CACNA2D3: variants seen among roughly 807,000 people sequenced by gnomAD.
CACNA2D3 encodes the protein calcium voltage-gated channel auxiliary subunit alpha2delta 3.
In CACNA2D3, 60 loss-of-function variants were observed where a neutral mutation model predicts 160.6. That is an observed-to-expected ratio of 0.37 (90% CI 0.30 to 0.46). The LOEUF is 0.46. CACNA2D3 is among the 20% of genes least tolerant of loss of function. The probability of loss-of-function intolerance (pLI) is 1.00; values close to 1 mark genes in which losing one functional copy is unlikely to be tolerated. For synonymous variants in CACNA2D3, 558 were observed against 492.9 expected, an observed-to-expected ratio of 1.13 and a Z score of -1.75; for missense variants, 1,205 against 1,365.0, an observed-to-expected ratio of 0.88 and a Z score of 1.85.
At chr3:54,201,551 A>T (rs1701179415) in intron 2 of CACNA2D3, among the ~76,000 whole-genome samples, 1 of 152,224 alleles carries the variant, frequency 6.6e-6, no homozygotes, top group Non-Finnish European at 1.5e-5. Context: ...GAATTGTAAG[A>T]TTATTTAGTA....
At chr3:54,162,706 A>G (rs1700369612) in intron 2 of CACNA2D3, among the ~76,000 whole-genome samples, 1 of 152,200 alleles carries the variant, frequency 6.6e-6, no homozygotes, top group Non-Finnish European at 1.5e-5. Flanking sequence ...CCCTTATGGA[A>G]CTAATAACCT....
intron 9 of CACNA2D3, among the ~76,000 whole-genome samples, chr3:54,588,424 A>T (rs1702801988): frequency 6.6e-6 from 1 of 152,220 alleles, no homozygotes; most frequent in Admixed American, 6.5e-5. Context: ...AAGGATGTCC[A>T]CACTGACATT....
chr3:54,824,264 C>T (rs1052287291), intron 14 of CACNA2D3, among the ~76,000 whole-genome samples: 4 of 152,150 alleles, frequency 2.6e-5, no homozygotes, highest in South Asian at 2.1e-4. Context: ...ATGCTTAGAG[C>T]GACATTGATC....
At chr3:54,860,285 A>T (rs1386123242) in intron 17 of CACNA2D3, among the ~76,000 whole-genome samples, 3 of 152,240 alleles carry the variant, frequency 2.0e-5, no homozygotes, top group South Asian at 2.1e-4. Flanking sequence ...AGGTGTAGAG[A>T]TTTTAGAAAT....
chr3:54,574,866 A>T (rs1251285422), intron 8 of CACNA2D3, among the ~76,000 whole-genome samples: 2 of 152,244 alleles, frequency 1.3e-5, no homozygotes, highest in Non-Finnish European at 2.9e-5. Context: ...GACTTGAATT[A>T]AGAAGAGCAT....
At chr3:54,167,718 G>C (rs1268878436) in intron 2 of CACNA2D3, among the ~76,000 whole-genome samples, 1 of 152,192 alleles carries the variant, frequency 6.6e-6, no homozygotes, top group East Asian at 1.9e-4. Flanking sequence ...AGAGCTGCTT[G>C]GTGGAATAGT....
chr3:54,957,345 C>T (rs1321143754), intron 27 of CACNA2D3, among the ~76,000 whole-genome samples: 3 of 151,990 alleles, frequency 2.0e-5, no homozygotes, highest in African/African-American at 7.3e-5. Flanking sequence ...GATGGGGTCT[C>T]ACTCTGTTGC....
rs192654147 is a variant in CACNA2D3, at chr3:54,859,507, T to G, written c.1627-12032T>G. Among the ~76,000 whole-genome samples the G allele has an allele frequency of 8.5e-5, 13 of 152,342 alleles. No individual in the cohort carries two copies. The East Asian group carries it at 2.5e-3, about 29-fold the overall frequency. ...TGGCTAAGCCAGGCAAGGTTTTTGC[T>G]GAAACTTCTTCTCAGCCTCACTTGT... On this transcript the variant is annotated intron_variant, in intron 17 of 37. Transcript: ENST00000474759.
intron 10 of CACNA2D3, among the ~76,000 whole-genome samples, chr3:54,635,636 G>T (rs902259619): frequency 1.4e-4 from 21 of 152,084 alleles, no homozygotes; most frequent in Middle Eastern, 3.4e-3. Context: ...TCTGAGAAGG[G>T]AAAGTGATAA....
intron 11 of CACNA2D3, among the ~76,000 whole-genome samples, chr3:54,653,287 A>G (rs1465720266): frequency 2.6e-5 from 4 of 152,098 alleles, no homozygotes; most frequent in Non-Finnish European, 2.9e-5. Context: ...AGATGCTCCT[A>G]TTTCTCACTG....
chr3:54,581,992 G>A (rs1268583469), intron 9 of CACNA2D3, 115 bp downstream of exon 9: 3 of 741,138 alleles, frequency 4.0e-6, no homozygotes, highest in African/African-American at 1.8e-5. Context: ...TGAGGCCCTT[G>A]GAGCCCCCAT....
chr3:54,351,145 C>T (rs935203682), intron 3 of CACNA2D3, among the ~76,000 whole-genome samples: 1 of 151,610 alleles, frequency 6.6e-6, no homozygotes, highest in African/African-American at 2.4e-5. Flanking sequence ...CCATGCCCGG[C>T]TAATTTTTGT....
chr3:54,517,596 C>T (rs545329867), intron 5 of CACNA2D3, among the ~76,000 whole-genome samples: 5 of 151,736 alleles, frequency 3.3e-5, no homozygotes, highest in African/African-American at 9.7e-5. Flanking sequence ...AGAGCTGTTG[C>T]GTTCCTTCAA....
chr3:55,058,077 G>A (rs895546046), intron 35 of CACNA2D3, among the ~76,000 whole-genome samples: 1 of 152,020 alleles, frequency 6.6e-6, no homozygotes, highest in South Asian at 2.1e-4. Flanking sequence ...CTCTTCAAAC[G>A]TCTTCCTGGC....
intron 27 of CACNA2D3, chr3:54,918,109 G>C (rs918316671): frequency 5.2e-6 from 1 of 193,066 alleles, no homozygotes; most frequent in Non-Finnish European, 1.1e-5. Flanking sequence ...ATGTGTGTTT[G>C]AATTTCTGGT....
intron 4 of CACNA2D3, among the ~76,000 whole-genome samples, chr3:54,501,154 A>T (rs1701288374): frequency 6.6e-6 from 1 of 152,148 alleles, no homozygotes; most frequent in Admixed American, 6.5e-5. Flanking sequence ...TGGCCTATTC[A>T]TCTCTTAATG....
intron 4 of CACNA2D3, among the ~76,000 whole-genome samples, chr3:54,430,217 AT>A (rs11332113): frequency 0.25 from 38,155 of 152,110 alleles, 4,886 homozygotes; most frequent in Admixed American, 0.32. Context: ...CGGATTTGTT[AT>A]TTATTTGCTA....
At chr3:54,725,070 A>C (rs1181192062) in intron 11 of CACNA2D3, among the ~76,000 whole-genome samples, 1 of 152,200 alleles carries the variant, frequency 6.6e-6, no homozygotes, top group African/African-American at 2.4e-5. Flanking sequence ...ATAAAAAATG[A>C]TATAGGGGAT....
chr3:54,191,623 C>T (rs1034218137), intron 2 of CACNA2D3, among the ~76,000 whole-genome samples: 1 of 151,980 alleles, frequency 6.6e-6, no homozygotes, highest in African/African-American at 2.4e-5. Flanking sequence ...GTGCCTGGTG[C>T]TGGGAGTGGC....
Sources: allele counts gnomAD v4.1 joint callset (sites outside exome capture counted in the v4.1 genomes callset), GRCh38; gene constraint gnomAD v4.1.1; transcripts MANE v1.5; gene names NCBI Gene and HGNC (gene_info 2026-07-23, HGNC 2026-07-21).